The following SLC35F4 variants were observed in gnomAD, a reference collection of about 807,000 sequenced individuals.
SLC35F4 encodes solute carrier family 35 member F4, also known as chromosome 14 open reading frame 36.
A neutral mutation model predicts 44.2 loss-of-function variants in SLC35F4; 24 were observed. That is an observed-to-expected ratio of 0.54 (90% CI 0.39 to 0.76). The LOEUF is 0.76. SLC35F4 is among the 30% of genes least tolerant of loss of function. SLC35F4 has a pLI of 0.00. For missense variants in SLC35F4, 562 were observed against 586.1 expected (o/e 0.96, Z 0.42); for synonymous variants, 238 against 223.6 (o/e 1.06, Z -0.57).
intron 1 of SLC35F4, among the ~76,000 whole-genome samples, chr14:57,785,566 G>A (rs889593628): frequency 6.6e-6 from 1 of 152,146 alleles, no homozygotes; most frequent in South Asian, 2.1e-4. Context: ...GCTCATACAG[G>A]ACCCAGGAGA....
At chr14:57,638,598 G>A (rs925560112) in intron 1 of SLC35F4, among the ~76,000 whole-genome samples, 5 of 152,092 alleles carry the variant, frequency 3.3e-5, no homozygotes, top group Non-Finnish European at 5.9e-5. Flanking sequence ...ACCCTTTAAA[G>A]AAATAAAGTC....
intron 1 of SLC35F4, among the ~76,000 whole-genome samples, chr14:57,892,586 G>A (rs1169251774): frequency 2.0e-5 from 3 of 152,164 alleles, no homozygotes; most frequent in Non-Finnish European, 2.9e-5. Flanking sequence ...TTCATTTAAC[G>A]TTTACAAGAC....
intron 1 of SLC35F4, among the ~76,000 whole-genome samples, chr14:57,765,429 C>T (rs139148079): frequency 5.1e-4 from 78 of 152,312 alleles, no homozygotes; most frequent in Non-Finnish European, 8.1e-4. Context: ...GGCCACAAAG[C>T]CCATTCTGCA....
intron 1 of SLC35F4, among the ~76,000 whole-genome samples, chr14:57,829,842 A>G (rs1884165983): frequency 6.6e-6 from 1 of 152,206 alleles, no homozygotes; most frequent in African/African-American, 2.4e-5. Flanking sequence ...AAAAGAAAAA[A>G]TTTGAGAATC....
chr14:57,925,495 A>AAGGGAGGGAGGGAGGG (rs11275945), intron 1 of SLC35F4, among the ~76,000 whole-genome samples: 1 of 54,166 alleles, frequency 1.8e-5, no homozygotes, highest in African/African-American at 7.5e-5. Flanking sequence ...GGAAGGAAGG[A>AAGGGAGGGAGGGAGGG]AGGGAGGGAG....
At chr14:57,742,762 G>A (rs1252000237) in intron 1 of SLC35F4, among the ~76,000 whole-genome samples, 1 of 152,164 alleles carries the variant, frequency 6.6e-6, no homozygotes, top group Non-Finnish European at 1.5e-5. Context: ...CAAATCAACA[G>A]AACATATATT....
At chr14:57,819,377 T>C (rs1402316122) in intron 1 of SLC35F4, among the ~76,000 whole-genome samples, 1 of 152,084 alleles carries the variant, frequency 6.6e-6, no homozygotes, top group Non-Finnish European at 1.5e-5. Context: ...GAGAATCTCC[T>C]AATTAATTCA....
At chr14:57,946,473 T>TC (rs1461748261) in intron 1 of SLC35F4, among the ~76,000 whole-genome samples, 1 of 134,144 alleles carries the variant, frequency 7.5e-6, no homozygotes, top group Non-Finnish European at 1.6e-5. Context: ...TCTTTTCTTT[T>TC]TTTTTTTTTT....
chr14:57,788,767 C>A (rs2180810), intron 1 of SLC35F4, among the ~76,000 whole-genome samples: 43,447 of 151,910 alleles, frequency 0.29, 7,166 homozygotes, highest in East Asian at 0.66. Flanking sequence ...AATTGGAAGT[C>A]AAACGCTCCT....
chr14:57,853,941 C>G (rs1321206650), intron 1 of SLC35F4, among the ~76,000 whole-genome samples: 1 of 152,136 alleles, frequency 6.6e-6, no homozygotes, highest in African/African-American at 2.4e-5. Flanking sequence ...GACTAGAAAC[C>G]AAACAAACCA....
intron 1 of SLC35F4, among the ~76,000 whole-genome samples, chr14:57,699,194 T>A (rs1001592770): frequency 1.3e-5 from 2 of 152,176 alleles, no homozygotes; most frequent in Non-Finnish European, 2.9e-5. Flanking sequence ...TTGTTTCCAA[T>A]CATGACTATT....
intron 1 of SLC35F4, among the ~76,000 whole-genome samples, chr14:57,954,342 A>ACC (rs1377096773): frequency 5.3e-5 from 8 of 151,756 alleles, no homozygotes; most frequent in Non-Finnish European, 1.2e-4. Context: ...AAAAACTGAC[A>ACC]CTAACATCAC....
chr14:57,748,330 T>A (rs543149460), intron 1 of SLC35F4, among the ~76,000 whole-genome samples: 67 of 152,302 alleles, frequency 4.4e-4, no homozygotes, highest in African/African-American at 1.6e-3. Flanking sequence ...ACTCAATTTT[T>A]ATCACATGTA....
At chr14:57,744,670 C>G (rs546379216) in intron 1 of SLC35F4, among the ~76,000 whole-genome samples, 1 of 152,256 alleles carries the variant, frequency 6.6e-6, no homozygotes, top group Admixed American at 6.5e-5. Flanking sequence ...TTTACAGATT[C>G]AATGCCATCC....
intron 1 of SLC35F4, among the ~76,000 whole-genome samples, chr14:57,606,226 C>G (rs2071156493): frequency 6.9e-6 from 1 of 145,296 alleles, no homozygotes; most frequent in Non-Finnish European, 1.5e-5. Flanking sequence ...AAACAAAGTT[C>G]CAAATGTCAT....
At chr14:57,615,585 G>T (rs1046345939) in intron 1 of SLC35F4, among the ~76,000 whole-genome samples, 1 of 152,028 alleles carries the variant, frequency 6.6e-6, no homozygotes, top group East Asian at 1.9e-4. Context: ...AGATGGGATA[G>T]AGGGTTAGAT....
intron 1 of SLC35F4, among the ~76,000 whole-genome samples, chr14:57,634,954 T>C (rs573206460): frequency 6.9e-4 from 105 of 152,066 alleles, no homozygotes; most frequent in Admixed American, 3.0e-3. Context: ...AGATGAGTGA[T>C]CAAAAGTGTT....
At chr14:57,740,575 GTT>G (rs1438695219) in intron 1 of SLC35F4, among the ~76,000 whole-genome samples, 1 of 152,148 alleles carries the variant, frequency 6.6e-6, no homozygotes, top group Admixed American at 6.5e-5. Context: ...AAGACCTAGT[GTT>G]TGAAAGAGAA....
chr14:57,884,087 T>G (rs1375032513), intron 1 of SLC35F4, among the ~76,000 whole-genome samples: 5 of 152,330 alleles, frequency 3.3e-5, no homozygotes, highest in African/African-American at 9.6e-5. Flanking sequence ...CATATTGTAC[T>G]AAATTTTCTA....
Sources: gnomAD v4.1 joint callset for allele counts (sites outside exome capture counted in the v4.1 genomes callset) on GRCh38, gnomAD v4.1.1 for gene constraint, MANE v1.5 for transcripts, NCBI Gene and HGNC (gene_info 2026-07-23, HGNC 2026-07-21) for gene names.